The following TNPO1 variants were observed in gnomAD, a reference collection of about 807,000 sequenced individuals.
TNPO1 encodes transportin-1.
A neutral mutation model predicts 119.5 loss-of-function variants in TNPO1; 8 were observed. The observed-to-expected ratio is 0.07, with a 90% CI of 0.04 to 0.12. The LOEUF (loss-of-function observed/expected upper bound fraction) is 0.12, where lower values mean the gene tolerates loss of function less well. Ranked by LOEUF, TNPO1 falls within the 10% of genes least tolerant of loss-of-function variation. The probability of loss-of-function intolerance (pLI) is 1.00; values close to 1 mark genes in which losing one functional copy is unlikely to be tolerated. For missense variants in TNPO1, 576 were observed against 1,089.8 expected (o/e 0.53, Z 6.64); for synonymous variants, 362 against 363.0 (o/e 1.00, Z 0.03).
At chr5:72,848,342 T>TC in intron 1 of TNPO1, 43 bp from the exon 2 acceptor site, 1 of 1,579,328 alleles carries the variant, frequency 6.3e-7, no homozygotes, top group Non-Finnish European at 8.6e-7. Flanking sequence ...GCACCGGGAG[T>TC]AACAGTTGCT....
In TNPO1 at chr5:72,894,184, A is replaced by G. The variant is rs139254259; in HGVS notation, c.2143+481A>G. On this transcript the variant is annotated intron_variant, in intron 18 of 24. Transcript: ENST00000337273. ...CACCTGTAATGCCAGCACTTTGGGA[A>G]GCCAAGGCAGGCAGATCACTTGAGG... Among the ~76,000 whole-genome samples the G allele has an allele frequency of 2.0e-3, 303 of 151,320 alleles. 3 individuals carry two copies. Among genetic ancestry groups the G allele is most frequent in the African/African-American group, 7.1e-3 (293 of 41,208 alleles).
intron 2 of TNPO1, among the ~76,000 whole-genome samples, chr5:72,848,999 T>A (rs1398178752): frequency 3.0e-4 from 45 of 151,744 alleles, no homozygotes; most frequent in Non-Finnish European, 1.5e-4. Flanking sequence ...TGGCGCGGGG[T>A]TTGAACTGCA....
intron 1 of TNPO1, among the ~76,000 whole-genome samples, chr5:72,825,242 C>A (rs915334271): frequency 1.3e-5 from 2 of 152,154 alleles, no homozygotes; most frequent in Admixed American, 6.5e-5. Flanking sequence ...CCAGAATAAA[C>A]CTTTCGCAAA....
At chr5:72,830,666 A>G (rs1235656461) in intron 1 of TNPO1, among the ~76,000 whole-genome samples, 2 of 152,176 alleles carry the variant, frequency 1.3e-5, no homozygotes, top group Non-Finnish European at 2.9e-5. Flanking sequence ...ACTGAAGATT[A>G]TGTATTTTAT....
chr5:72,851,176 A>T, intron 2 of TNPO1, 68 bp from the exon 3 acceptor site: 2 of 974,374 alleles, frequency 2.1e-6, no homozygotes, highest in Admixed American at 2.3e-5. Flanking sequence ...CTTGATTTTT[A>T]GATTTAAAAT....
chr5:72,853,621 G>A (rs1282268945), intron 3 of TNPO1, among the ~76,000 whole-genome samples: 2 of 150,466 alleles, frequency 1.3e-5, no homozygotes, highest in African/African-American at 2.4e-5. Context: ...GTAGTTTTAC[G>A]TTGGTGTAAC....
At chr5:72,878,757 G>T in intron 9 of TNPO1, 2 of 260,358 alleles carry the variant, frequency 7.7e-6, no homozygotes, top group Non-Finnish European at 1.5e-5. Flanking sequence ...AGTTTCTGTG[G>T]GGTCATATAA....
rs111323142 is a variant in TNPO1 at position 72,855,601 on chromosome 5, C to G, written c.206-173C>G. Among the ~76,000 whole-genome samples the G allele has an allele frequency of 4.6e-3, 702 of 152,232 alleles. 3 individuals are homozygous for G. Among genetic ancestry groups the G allele is most frequent in the African/African-American group, 0.016 (668 of 41,546 alleles). On this transcript the variant is annotated intron_variant, in intron 3 of 24. Transcript: ENST00000337273. ...GTCAGTATGTCAAGGTTGAAAAACCCTGAGCTATAAATGATAGAGCTAATC... is the reference window on the plus strand; with the variant it reads ...GTCAGTATGTCAAGGTTGAAAAACCGTGAGCTATAAATGATAGAGCTAATC...
At chr5:72,853,585 C>T (rs1745755348) in intron 3 of TNPO1, among the ~76,000 whole-genome samples, 1 of 151,866 alleles carries the variant, frequency 6.6e-6, no homozygotes, top group Admixed American at 6.6e-5. Flanking sequence ...TTCTTATGTT[C>T]ATTATGCAGT....
intron 1 of TNPO1, chr5:72,825,767 G>C (rs1327465704): frequency 1.3e-5 from 2 of 152,456 alleles, no homozygotes; most frequent in Admixed American, 6.5e-5. Context: ...CTAGAAAGCA[G>C]CCCTCACCAG....
At chr5:72,823,348 A>G (rs1032943936) in intron 1 of TNPO1, among the ~76,000 whole-genome samples, 1 of 151,956 alleles carries the variant, frequency 6.6e-6, no homozygotes, top group African/African-American at 2.4e-5. Flanking sequence ...GATCCACCCA[A>G]ACCCTGGCCT....
intron 6 of TNPO1, among the ~76,000 whole-genome samples, chr5:72,869,348 A>C (rs1229520857): frequency 6.6e-6 from 1 of 152,022 alleles, no homozygotes; most frequent in Non-Finnish European, 1.5e-5. Context: ...GGAGTTTGAG[A>C]CCAGCCCGGC....
rs1405914557 is a variant in TNPO1, at chr5:72,909,528, G to A, written c.*855G>A. 6.6e-6 allele frequency: 1 copy of A among 152,114 alleles called. No homozygotes were observed. The highest frequency in any genetic ancestry group is 1.9e-4 in the East Asian group (1 of 5,194). The allele number at this position is 152,114 out of a possible 1,614,324, so 9.4% of individuals were successfully genotyped here. ...AGGCCAAGATGTTACTTTTTAAAGT[G>A]CAGTTTAAGGTTCAGGCATGCATTC... On this transcript the variant is annotated 3_prime_UTR_variant, in exon 25 of 25. Transcript: ENST00000337273.
At chr5:72,851,871 C>G (rs919664072) in intron 3 of TNPO1, among the ~76,000 whole-genome samples, 2 of 152,162 alleles carry the variant, frequency 1.3e-5, no homozygotes, top group Non-Finnish European at 2.9e-5. Context: ...GCAAAGTCTA[C>G]TTTAATGTTT....
intron 18 of TNPO1, among the ~76,000 whole-genome samples, chr5:72,894,335 A>AT (rs928101903): frequency 2.6e-5 from 4 of 151,700 alleles, no homozygotes; most frequent in South Asian, 4.2e-4. Context: ...GAGTTATGGG[A>AT]TTTTTTTCCC....
At chr5:72,835,447 T>G (rs1282366015) in intron 1 of TNPO1, among the ~76,000 whole-genome samples, 1 of 152,172 alleles carries the variant, frequency 6.6e-6, no homozygotes, top group Non-Finnish European at 1.5e-5. Flanking sequence ...AGGCTTGCCC[T>G]CTGCTTCATA....
At chr5:72,852,886 C>T (rs995844951) in intron 3 of TNPO1, among the ~76,000 whole-genome samples, 16 of 152,034 alleles carry the variant, frequency 1.1e-4, no homozygotes, top group African/African-American at 3.1e-4. Context: ...TTGATATTTG[C>T]GATACATTGC....
At chr5:72,830,444 A>G (rs1445025176) in intron 1 of TNPO1, among the ~76,000 whole-genome samples, 1 of 152,190 alleles carries the variant, frequency 6.6e-6, no homozygotes, top group Non-Finnish European at 1.5e-5. Context: ...TATTGAATTT[A>G]ATAACAATTT....
chr5:72,851,451 T>TA (rs747078151), intron 3 of TNPO1, 132 bp downstream of exon 3: 3 of 592,064 alleles, frequency 5.1e-6, no homozygotes, highest in Non-Finnish European at 9.0e-6. Flanking sequence ...TAAACAGTCT[T>TA]AGTTAATACC....
Sources: allele counts gnomAD v4.1 joint callset (sites outside exome capture counted in the v4.1 genomes callset), GRCh38; gene constraint gnomAD v4.1.1; transcripts MANE v1.5; gene names NCBI Gene and HGNC (gene_info 2026-07-23, HGNC 2026-07-21).